The following SEMA4B variants were observed in gnomAD, a reference collection of about 807,000 sequenced individuals.
SEMA4B encodes semaphorin 4B, also known as semaphorin-4B.
In SEMA4B, 55 loss-of-function variants were observed where a neutral mutation model predicts 88.1. The observed-to-expected ratio is 0.62, with a 90% CI of 0.50 to 0.78. The LOEUF is 0.78. Ranked by LOEUF, SEMA4B falls within the 30% of genes least tolerant of loss-of-function variation. SEMA4B has a pLI of 0.00. For synonymous variants in SEMA4B, 525 were observed against 473.6 expected, an observed-to-expected ratio of 1.11 and a Z score of -1.41; for missense variants, 1,062 against 1,111.9, an observed-to-expected ratio of 0.96 and a Z score of 0.64.
intron 1 of SEMA4B, among the ~76,000 whole-genome samples, chr15:90,192,451 T>C (rs147034849): frequency 6.6e-6 from 1 of 152,368 alleles, no homozygotes; most frequent in African/African-American, 2.4e-5. Context: ...GGAGGCCAGA[T>C]GTAGCCTGGA....
chr15:90,221,530 C>G, intron 6 of SEMA4B, 50 bp downstream of exon 6: 1 of 1,607,150 alleles, frequency 6.2e-7, no homozygotes, highest in South Asian at 1.1e-5. Context: ...GTTCACCCAG[C>G]CCTAGAAGGG....
At chr15:90,193,903 G>C (rs1960420543) in intron 1 of SEMA4B, among the ~76,000 whole-genome samples, 1 of 151,492 alleles carries the variant, frequency 6.6e-6, no homozygotes, top group African/African-American at 2.4e-5. Context: ...CCAGGCTGGA[G>C]CACAGTGGCG....
intron 11 of SEMA4B, 90 bp from the exon 12 acceptor site, chr15:90,225,571 G>A: frequency 7.0e-7 from 1 of 1,437,454 alleles, no homozygotes; most frequent in South Asian, 1.3e-5. Flanking sequence ...CCTCTTGGGG[G>A]TGGCTCTGGG....
chr15:90,191,580 G>C (rs993680219), intron 1 of SEMA4B, among the ~76,000 whole-genome samples: 1 of 152,206 alleles, frequency 6.6e-6, no homozygotes, highest in Non-Finnish European at 1.5e-5. Context: ...TGATTGTGTG[G>C]CTTGCTAAAA....
chr15:90,221,171 G>T, intron 5 of SEMA4B, 78 bp downstream of exon 5: 1 of 1,184,678 alleles, frequency 8.4e-7, no homozygotes, highest in South Asian at 1.3e-5. Flanking sequence ...CTTTGGACAG[G>T]CTGAGTCCAT....
chr15:90,198,889 A>G (rs1312180145), upstream of SEMA4B, among the ~76,000 whole-genome samples: 1 of 152,124 alleles, frequency 6.6e-6, no homozygotes, highest in East Asian at 1.9e-4. Context: ...TTTGTTTAAG[A>G]TGGAGTCTTG....
chr15:90,227,873 C>A, intron 13 of SEMA4B, 31 bp from the exon 14 acceptor site: 1 of 1,605,206 alleles, frequency 6.2e-7, no homozygotes, highest in Non-Finnish European at 8.5e-7. Flanking sequence ...GACGCTGGCA[C>A]CCCCCTACCC....
intron 12 of SEMA4B, 126 bp from the exon 13 acceptor site, chr15:90,227,431 G>C (rs1358559393): frequency 4.3e-6 from 3 of 691,946 alleles, no homozygotes; most frequent in Non-Finnish European, 7.4e-6. Context: ...AGGAGATGCT[G>C]ACTCCTGTGG....
chr15:90,226,326 CTTTTA>C (rs943991467), intron 12 of SEMA4B, among the ~76,000 whole-genome samples: 2 of 151,990 alleles, frequency 1.3e-5, no homozygotes, highest in Non-Finnish European at 2.9e-5. Flanking sequence ...AACAAAAATC[CTTTTA>C]TTTTATTTCA....
intron 4 of SEMA4B, among the ~76,000 whole-genome samples, chr15:90,220,398 C>T (rs1246995792): frequency 1.6e-5 from 2 of 129,018 alleles, no homozygotes; most frequent in Non-Finnish European, 3.1e-5. Context: ...GATGGAGTCT[C>T]GCTCTGTCGC....
In SEMA4B at chr15:90,185,312, G is replaced by A. The variant is rs1357454828; in HGVS notation, c.-122+231G>A. Among the ~76,000 whole-genome samples, 4 of 152,240 alleles carry A rather than the reference G, an allele frequency of 2.6e-5. No homozygotes were observed. In the East Asian group the frequency reaches 7.7e-4, roughly 29 times the overall value. ...GGGCCCGCGTTCCCATGGCCACCGGGGGCCTTTGAGCAGCGTTCACATCGC... is the reference window on the plus strand; with the variant it reads ...GGGCCCGCGTTCCCATGGCCACCGGAGGCCTTTGAGCAGCGTTCACATCGC... On this transcript the variant is annotated intron_variant, in intron 1 of 14. Coordinates refer to the SEMA4B transcript ENST00000332496.
intron 13 of SEMA4B, 23 bp from the exon 14 acceptor site, chr15:90,227,881 C>T: frequency 6.2e-7 from 1 of 1,607,298 alleles, no homozygotes; most frequent in Non-Finnish European, 8.5e-7. Context: ...CACCCCCCTA[C>T]CCCATGCCTT....
intron 1 of SEMA4B, among the ~76,000 whole-genome samples, chr15:90,209,638 C>T (rs1054279992): frequency 3.9e-5 from 6 of 152,070 alleles, no homozygotes; most frequent in South Asian, 2.1e-4. Context: ...TGCCATCATC[C>T]GACAGTGTCA....
At chr15:90,185,900 A>C (rs1356533598) in intron 1 of SEMA4B, among the ~76,000 whole-genome samples, 1 of 148,068 alleles carries the variant, frequency 6.8e-6, no homozygotes, top group African/African-American at 2.5e-5. Flanking sequence ...ATTTGAACTC[A>C]GGCCATGGCC....
chr15:90,209,964 G>A (rs375013412), intron 1 of SEMA4B, among the ~76,000 whole-genome samples: 28 of 152,298 alleles, frequency 1.8e-4, no homozygotes, highest in African/African-American at 6.0e-4. Flanking sequence ...GAACAGTGAC[G>A]GCTCCCAGAG....
intron 12 of SEMA4B, among the ~76,000 whole-genome samples, chr15:90,226,350 C>A (rs1053590345): frequency 2.0e-5 from 3 of 152,104 alleles, no homozygotes; most frequent in Non-Finnish European, 4.4e-5. Context: ...CATTTCATTT[C>A]ATTTATCTTG....
chr15:90,203,112 C>A (rs1477792227), intron 1 of SEMA4B, among the ~76,000 whole-genome samples: 2 of 152,204 alleles, frequency 1.3e-5, no homozygotes, highest in Non-Finnish European at 2.9e-5. Context: ...TTTGAAAAGT[C>A]GTTAGGACAG....
At chr15:90,185,351 C>A (rs764730889) in intron 1 of SEMA4B, among the ~76,000 whole-genome samples, 1 of 152,246 alleles carries the variant, frequency 6.6e-6, no homozygotes, top group Non-Finnish European at 1.5e-5. Context: ...AGTGCACCAC[C>A]CCTACTCCTA....
chr15:90,211,079 A>G (rs1393331964), intron 1 of SEMA4B, among the ~76,000 whole-genome samples: 1 of 152,216 alleles, frequency 6.6e-6, no homozygotes, highest in Non-Finnish European at 1.5e-5. Flanking sequence ...GGAGACATCT[A>G]TAAAAGCAGG....
Sources: allele counts gnomAD v4.1 joint callset (sites outside exome capture counted in the v4.1 genomes callset), GRCh38; gene constraint gnomAD v4.1.1; transcripts MANE v1.5; gene names NCBI Gene and HGNC (gene_info 2026-07-23, HGNC 2026-07-21).